The following EML5 variants were observed in gnomAD, a reference collection of about 807,000 sequenced individuals.
EML5 encodes EMAP like 5.
In EML5, 120 loss-of-function variants were observed where a neutral mutation model predicts 250.0. The observed-to-expected ratio is 0.48, with a 90% CI of 0.41 to 0.56. The LOEUF (loss-of-function observed/expected upper bound fraction) is 0.56, where lower values mean the gene tolerates loss of function less well. Among genes scored for constraint, EML5 ranks in the 20% least tolerant of loss-of-function variants. The pLI is 0.00. For missense variants in EML5, 2,006 were observed against 2,437.6 expected (o/e 0.82, Z 3.73); for synonymous variants, 771 against 806.5 (o/e 0.96, Z 0.75).
intron 32 of EML5, among the ~76,000 whole-genome samples, chr14:88,634,832 T>C (rs2090631357): frequency 6.6e-6 from 1 of 152,200 alleles, no homozygotes; most frequent in African/African-American, 2.4e-5. Flanking sequence ...ATAGACTCTC[T>C]GGAGTTTTAA....
At chr14:88,692,377 A>C (rs904894563) in intron 17 of EML5, among the ~76,000 whole-genome samples, 7 of 152,162 alleles carry the variant, frequency 4.6e-5, no homozygotes, top group Non-Finnish European at 1.0e-4. Context: ...ACTCTGTTTC[A>C]AAAAGAAAAA....
At chr14:88,719,252 G>T (rs1367337024) in intron 8 of EML5, among the ~76,000 whole-genome samples, 1 of 152,124 alleles carries the variant, frequency 6.6e-6, no homozygotes. Flanking sequence ...AGGCATGGTG[G>T]CTACTTCCAA....
intron 10 of EML5, among the ~76,000 whole-genome samples, chr14:88,712,044 T>C (rs1485935571): frequency 6.6e-6 from 1 of 152,118 alleles, no homozygotes; most frequent in Non-Finnish European, 1.5e-5. Flanking sequence ...AGAGATATAG[T>C]GCATTCATAA....
rs2092239615 is a variant in EML5, at chr14:88,664,302, G to A, written c.3409+191C>T. On this transcript the variant is annotated intron_variant, in intron 23 of 43. Coordinates refer to ENST00000554922, the MANE Select transcript of EML5 (RefSeq NM_183387.3). ...AAAAAAAAAAAAAAGAAAAGAAAAA[G>A]GAAAAAGAAAAGTCTCAACTCTATA... Among the ~76,000 whole-genome samples the A allele has an allele frequency of 4.0e-5, 6 of 148,874 alleles. No homozygotes were observed. In the South Asian group the frequency reaches 8.5e-4, roughly 21 times the overall value.
At chr14:88,715,823 C>T (rs750124247) in intron 8 of EML5, among the ~76,000 whole-genome samples, 10 of 151,966 alleles carry the variant, frequency 6.6e-5, no homozygotes, top group Admixed American at 2.0e-4. Flanking sequence ...CCACCATACC[C>T]GGCTAATCTT....
chr14:88,680,111 AT>A (rs1366572302), intron 21 of EML5, among the ~76,000 whole-genome samples: 1 of 152,188 alleles, frequency 6.6e-6, no homozygotes, highest in African/African-American at 2.4e-5. Flanking sequence ...AGCTATACTT[AT>A]ATTATGATTT....
In EML5 at chr14:88,620,770, C is replaced by A. The variant is rs762833060; in HGVS notation, c.5359G>T (p.Ala1787Ser). Residue 1787 changes from alanine (A) to serine (S), a missense_variant, in exon 39 of 44, where the codon GCA (alanine) becomes TCA (serine). Physicochemically the swap from Ala to Ser is moderately conservative, Grantham distance 99. Around this residue, in one of 7 missense-constraint regions of EML5, gnomAD observed 405 missense variants for 523.3 expected, o/e 0.77. Transcript: ENST00000554922. The surrounding 1 kb of genome is among the most constrained non-coding windows in gnomAD (Gnocchi z 4.3). Reference protein sequence around the residue: ...IWGKKRDRRCAIHDIRFSPDS... With the variant: ...IWGKKRDRRCSIHDIRFSPDS... ...TTCACTAACCTGATATCATGGATTG[C>A]ACATCTCCTGTCTCTCTTCTTTCCC... 5.0e-6 allele frequency: 8 copies of A among 1,596,926 alleles called. No homozygotes were observed. The highest frequency in any genetic ancestry group is 6.8e-6 in the Non-Finnish European group (8 of 1,174,376).
chr14:88,714,810 A>T, intron 9 of EML5, 129 bp downstream of exon 9: 1 of 832,742 alleles, frequency 1.2e-6, no homozygotes, highest in Non-Finnish European at 1.8e-6. Flanking sequence ...AAAAGTCTAC[A>T]ATGCCTGAAA....
rs139929360 is a variant in EML5 at position 88,748,406 on chromosome 14, A to G, written c.358-2123T>C. Among the ~76,000 whole-genome samples, 450 of 152,296 alleles carry G rather than the reference A, an allele frequency of 3.0e-3. 1 individual carries two copies. Among genetic ancestry groups the G allele is most frequent in the African/African-American group, 0.01 (421 of 41,572 alleles). On this transcript the variant is annotated intron_variant, in intron 2 of 43. Coordinates refer to ENST00000554922, the MANE Select transcript of EML5 (RefSeq NM_183387.3). ...CATTAGGAATCCTGAGGTCAGGAGG[A>G]GAGTGTCATACCTTAATAGTGAAAT...
intron 21 of EML5, among the ~76,000 whole-genome samples, chr14:88,673,054 T>C (rs2092508567): frequency 6.6e-6 from 1 of 152,086 alleles, no homozygotes; most frequent in Non-Finnish European, 1.5e-5. Flanking sequence ...AGCATGATCT[T>C]GATACCAAAA....
chr14:88,635,702 AAC>A (rs1331837732), intron 32 of EML5, among the ~76,000 whole-genome samples: 2 of 152,128 alleles, frequency 1.3e-5, no homozygotes, highest in Non-Finnish European at 2.9e-5. Flanking sequence ...CACCACAAAG[AAC>A]CATGGAAGCT....
intron 36 of EML5, 45 bp from the exon 37 acceptor site, chr14:88,622,763 T>C (rs112945623): frequency 6.7e-6 from 9 of 1,348,612 alleles, no homozygotes; most frequent in Admixed American, 2.4e-5. Flanking sequence ...TATTGGCTAC[T>C]ATAATTTTTA....
chr14:88,772,791 C>CTTA (rs1037858924), intron 1 of EML5, among the ~76,000 whole-genome samples: 1 of 152,068 alleles, frequency 6.6e-6, no homozygotes, highest in Non-Finnish European at 1.5e-5. Flanking sequence ...CTTCTCAAAC[C>CTTA]TTAGCTCCTA....
At position 88,704,630 on chromosome 14, in the gene EML5, C is replaced by CT. The variant is rs568665650; in HGVS notation, c.2051+229dup. On this transcript the variant is annotated intron_variant, in intron 13 of 43. Coordinates refer to ENST00000554922, the MANE Select transcript of EML5 (RefSeq NM_183387.3). The stretch of plus-strand genomic sequence containing the variant: ...TATGCCCAGTTGTCCCAACAATGTC[C>CT]TTTATAATCATCTTAAAAATCCAGA... Among the ~76,000 whole-genome samples the CT allele has an allele frequency of 1.1e-4, 17 of 152,272 alleles. No homozygotes were observed. In the East Asian group the frequency reaches 2.9e-3, roughly 26 times the overall value.
Position 88,740,196 on chromosome 14 carries a change from T to C in EML5, c.711+191A>G, listed in dbSNP as rs116605726. Among the ~76,000 whole-genome samples, 1,406 of 152,260 alleles carry C rather than the reference T, an allele frequency of 9.2e-3. 26 individuals are homozygous for C. Among genetic ancestry groups the C allele is most frequent in the African/African-American group, 0.032 (1,341 of 41,546 alleles). ...TTTAACAAGATACTAATTATACTAATGTAATAAATATCAATGAGTCTAATT... is the reference window on the plus strand; with the variant it reads ...TTTAACAAGATACTAATTATACTAACGTAATAAATATCAATGAGTCTAATT... On this transcript the variant is annotated intron_variant, in intron 5 of 43. Transcript: ENST00000554922.
chr14:88,640,808 A>G (rs1295266675), intron 31 of EML5, among the ~76,000 whole-genome samples: 1 of 152,058 alleles, frequency 6.6e-6, no homozygotes, highest in African/African-American at 2.4e-5. Context: ...TCAATAGACC[A>G]CTAGTAGTTA....
chr14:88,685,313 A>G (rs2092808175), intron 19 of EML5, among the ~76,000 whole-genome samples, 171 bp from the exon 20 acceptor site: 1 of 152,192 alleles, frequency 6.6e-6, no homozygotes, highest in Non-Finnish European at 1.5e-5. Context: ...TCAATTTAGT[A>G]ATCTCTAAAT....
At chr14:88,648,982 A>T (rs1395399914) in intron 28 of EML5, among the ~76,000 whole-genome samples, 1 of 151,928 alleles carries the variant, frequency 6.6e-6, no homozygotes, top group Non-Finnish European at 1.5e-5. Flanking sequence ...TCTCAAGTCT[A>T]CTGTTTTCAT....
chr14:88,743,051 G>A (rs2093947423), intron 4 of EML5, among the ~76,000 whole-genome samples: 1 of 152,056 alleles, frequency 6.6e-6, no homozygotes, highest in South Asian at 2.1e-4. Flanking sequence ...TGACTTTACA[G>A]GCTTCAAAAT....
Sources: gnomAD v4.1 joint callset for allele counts (sites outside exome capture counted in the v4.1 genomes callset) on GRCh38, gnomAD v4.1.1 for gene constraint, gnomAD v4.1.1 regional missense constraint, Gnocchi (gnomAD v3.1) non-coding constraint, MANE v1.5 for transcripts, NCBI Gene and HGNC (gene_info 2026-07-23, HGNC 2026-07-21) for gene names.